Variants in NLGN4X observed in about 807,000 individuals in gnomAD.
NLGN4X encodes the protein neuroligin 4 X-linked.
Under a neutral mutation model 40.3 loss-of-function variants are expected in NLGN4X, and 3 were observed. That is an observed-to-expected ratio of 0.07 (90% CI 0.03 to 0.19). The LOEUF (loss-of-function observed/expected upper bound fraction) is 0.19. NLGN4X is among the 10% of genes least tolerant of loss of function. The pLI, the probability that NLGN4X is intolerant of heterozygous loss-of-function variation, is 1.00. For missense variants in NLGN4X, 382 were observed against 708.3 expected, an observed-to-expected ratio of 0.54 and a Z score of 5.23; for synonymous variants, 270 against 306.8, an observed-to-expected ratio of 0.88 and a Z score of 1.25.
intron 1 of NLGN4X, among the ~76,000 whole-genome samples, chrX:6,221,391 TTATATATATATATATATATATATA>T (rs60897428): frequency 3.7e-5 from 2 of 53,374 alleles, no homozygotes; most frequent in Non-Finnish European, 6.6e-5. Flanking sequence ...CCTTCTTATA[TTATATATATATATATATATATATA>T]TATATATATA....
intron 1 of NLGN4X, among the ~76,000 whole-genome samples, chrX:6,165,042 G>A (rs1215221706): frequency 2.7e-5 from 3 of 111,117 alleles, no homozygotes; most frequent in Non-Finnish European, 5.7e-5. Context: ...CCTCAGGCTT[G>A]AACCTCATCA....
At chrX:6,015,784 C>T (rs1371590171) in intron 3 of NLGN4X, among the ~76,000 whole-genome samples, 10 of 111,820 alleles carry the variant, frequency 8.9e-5, no homozygotes, top group Non-Finnish European at 1.5e-4. Flanking sequence ...CCACAAGGGA[C>T]GGGATAGCAG....
intron 3 of NLGN4X, among the ~76,000 whole-genome samples, chrX:5,916,235 T>G (rs1173081218): frequency 8.9e-6 from 1 of 111,847 alleles, no homozygotes; most frequent in Non-Finnish European, 1.9e-5. Flanking sequence ...TTCACACGGA[T>G]TGTAATTTTA....
At chrX:5,914,052 T>A (rs2032646961) in intron 3 of NLGN4X, among the ~76,000 whole-genome samples, 1 of 112,036 alleles carries the variant, frequency 8.9e-6, no homozygotes, top group African/African-American at 3.2e-5. Context: ...TCTTTATACA[T>A]TACCCAGTCT....
In NLGN4X at chrX:6,180,808, C is replaced by CTT. The variant is rs369091307; in HGVS notation, c.-305-29039_-305-29038dup. 8.2e-3 allele frequency among the ~76,000 whole-genome samples: 843 copies of CTT among 102,546 alleles called. 9 individuals carry two copies. Among genetic ancestry groups the CTT allele is most frequent in the African/African-American group, 0.026 (727 of 28,411 alleles). The allele number at this position is 102,546 out of a possible 115,157, so 89.0% of individuals were successfully genotyped here. A position where few individuals can be genotyped will look rare whatever the true frequency, so the allele number is the denominator to read the frequency against. ...TTTGGAACACCTAAAGTACTGACAGCTTTTTTTTTTTTATGTTAACTTTCA... is the reference window on the plus strand; with the variant it reads ...TTTGGAACACCTAAAGTACTGACAGCTTTTTTTTTTTTTTATGTTAACTTTCA... On this transcript the variant is annotated intron_variant, in intron 1 of 5. Transcript: ENST00000381095.
chrX:5,934,161 G>T (rs915123873), intron 3 of NLGN4X, among the ~76,000 whole-genome samples: 1 of 111,322 alleles, frequency 9.0e-6, no homozygotes, highest in Non-Finnish European at 1.9e-5. Context: ...ACCTTTCTGT[G>T]CCTGGCTTAT....
chrX:6,115,386 G>A (rs1024458295), intron 2 of NLGN4X, among the ~76,000 whole-genome samples: 1 of 111,912 alleles, frequency 8.9e-6, no homozygotes, highest in African/African-American at 3.3e-5. Context: ...TTCATGTTCA[G>A]TGGACACATT....
chrX:6,064,777 A>C (rs2037865522), intron 2 of NLGN4X, among the ~76,000 whole-genome samples: 2 of 111,583 alleles, frequency 1.8e-5, no homozygotes, highest in Non-Finnish European at 3.8e-5. Flanking sequence ...TATCCAAAGG[A>C]ATATAAATCA....
intron 3 of NLGN4X, among the ~76,000 whole-genome samples, chrX:5,984,643 A>G (rs2035479678): frequency 8.9e-6 from 1 of 112,308 alleles, no homozygotes; most frequent in African/African-American, 3.2e-5. Context: ...CTATCTGCAG[A>G]AAATATATTA....
chrX:6,015,069 C>T (rs2036358287), intron 3 of NLGN4X, among the ~76,000 whole-genome samples: 1 of 111,922 alleles, frequency 8.9e-6, no homozygotes, highest in African/African-American at 3.3e-5. Flanking sequence ...TCTAATTTAG[C>T]ACCCTTCTCT....
At chrX:5,975,841 T>C (rs912280476) in intron 3 of NLGN4X, among the ~76,000 whole-genome samples, 1 of 111,172 alleles carries the variant, frequency 9.0e-6, no homozygotes, top group Non-Finnish European at 1.9e-5. Flanking sequence ...AAGCCTGATA[T>C]TTTCTATACC....
At chrX:5,927,439 A>T (rs905344163) in intron 3 of NLGN4X, among the ~76,000 whole-genome samples, 12 of 112,196 alleles carry the variant, frequency 1.1e-4, no homozygotes, top group Admixed American at 1.0e-3. Context: ...ATTAAGTATT[A>T]CGTTTGGAGT....
chrX:5,959,165 C>T (rs1028720200), intron 3 of NLGN4X, among the ~76,000 whole-genome samples: 1 of 111,808 alleles, frequency 8.9e-6, no homozygotes, highest in Non-Finnish European at 1.9e-5. Context: ...CTCTTTGCCT[C>T]TCAAGTCTTT....
intron 3 of NLGN4X, among the ~76,000 whole-genome samples, chrX:5,963,640 G>C (rs999685966): frequency 8.0e-5 from 9 of 111,878 alleles, no homozygotes; most frequent in African/African-American, 2.9e-4. Context: ...TTACTAGAAA[G>C]GTTCAGAGGA....
chrX:6,149,600 T>C (rs1417546896), intron 2 of NLGN4X, among the ~76,000 whole-genome samples: 1 of 111,475 alleles, frequency 9.0e-6, no homozygotes, highest in African/African-American at 3.3e-5. Context: ...AAGTACAGCG[T>C]CCAAATGTCA....
At chrX:6,116,691 G>A (rs1458997737) in intron 2 of NLGN4X, among the ~76,000 whole-genome samples, 3 of 108,389 alleles carry the variant, frequency 2.8e-5, no homozygotes, top group Non-Finnish European at 5.7e-5. Context: ...CACCATGCCC[G>A]GCTAATTTTT....
intron 3 of NLGN4X, among the ~76,000 whole-genome samples, chrX:5,958,444 A>T (rs932944213): frequency 9.0e-5 from 10 of 111,142 alleles, no homozygotes; most frequent in African/African-American, 2.6e-4. Flanking sequence ...TATACTCACA[A>T]TTTCCTGCTT....
intron 3 of NLGN4X, among the ~76,000 whole-genome samples, chrX:5,982,918 T>C (rs890236814): frequency 8.9e-6 from 1 of 111,992 alleles, no homozygotes; most frequent in Non-Finnish European, 1.9e-5. Flanking sequence ...GACGACCAAA[T>C]GATGATCCAG....
At chrX:6,197,443 G>GTTTTTTT (rs1602407338) in intron 1 of NLGN4X, among the ~76,000 whole-genome samples, 3 of 82,595 alleles carry the variant, frequency 3.6e-5, no homozygotes, top group Non-Finnish European at 7.1e-5. Flanking sequence ...TTTTTTTTTT[G>GTTTTTTT]TATTTTTTAT....
Sources: gnomAD v4.1 joint callset for allele counts (sites outside exome capture counted in the v4.1 genomes callset) on GRCh38, gnomAD v4.1.1 for gene constraint, MANE v1.5 for transcripts, NCBI Gene and HGNC (gene_info 2026-07-23, HGNC 2026-07-21) for gene names.